PARD3B: variants seen among roughly 807,000 people sequenced by gnomAD.
The protein encoded by PARD3B is par-3 family cell polarity regulator beta, also known as partitioning defective 3 homolog B.
Under a neutral mutation model 130.2 loss-of-function variants are expected in PARD3B, and 103 were observed. The ratio of observed to expected loss-of-function variants is 0.79; its 90% CI spans 0.67 to 0.93. The LOEUF is 0.93. Among genes scored for constraint, PARD3B ranks in the 40% least tolerant of loss-of-function variants. PARD3B has a pLI of 0.00. For synonymous variants in PARD3B, 583 were observed against 553.2 expected, an observed-to-expected ratio of 1.05 and a Z score of -0.76; for missense variants, 1,609 against 1,499.2, an observed-to-expected ratio of 1.07 and a Z score of -1.21.
At chr2:205,016,341 C>T (rs1184503051) in intron 3 of PARD3B, among the ~76,000 whole-genome samples, 1 of 152,118 alleles carries the variant, frequency 6.6e-6, no homozygotes, top group Non-Finnish European at 1.5e-5. Context: ...TCATTTTGTG[C>T]TCTTTTTCCC....
In PARD3B at chr2:205,325,033, C is replaced by A. The variant is rs566759585; in HGVS notation, c.2630+23332C>A. Among the ~76,000 whole-genome samples, 9 of 152,266 alleles carry A rather than the reference C, an allele frequency of 5.9e-5. No individual in the cohort carries two copies. Among genetic ancestry groups the A allele is most frequent in the South Asian group, 4.1e-4 (2 of 4,826 alleles). On this transcript the variant is annotated intron_variant, in intron 18 of 22. Coordinates refer to ENST00000406610, the MANE Select transcript of PARD3B (RefSeq NM_001302769.2). The surrounding 1 kb of genome is among the most constrained non-coding windows in gnomAD (Gnocchi z 4.1). ...ATTCTACTCTCTAAGAATCTAAATT[C>A]TCTCTCCATCTTCACTGCACTTCCT...
At chr2:204,780,003 G>A (rs1030162596) in intron 2 of PARD3B, among the ~76,000 whole-genome samples, 4 of 152,140 alleles carry the variant, frequency 2.6e-5, no homozygotes, top group Non-Finnish European at 5.9e-5. Flanking sequence ...GCTTGATTGT[G>A]ATTGCATGGC....
At chr2:205,130,951 T>C (rs981097941) in intron 10 of PARD3B, among the ~76,000 whole-genome samples, 1 of 152,208 alleles carries the variant, frequency 6.6e-6, no homozygotes, top group Non-Finnish European at 1.5e-5. Flanking sequence ...ACTGTCATGG[T>C]TACCTGTCCC....
At chr2:204,878,103 C>G (rs1260668926) in intron 2 of PARD3B, among the ~76,000 whole-genome samples, 1 of 152,128 alleles carries the variant, frequency 6.6e-6, no homozygotes, top group African/African-American at 2.4e-5. Flanking sequence ...AGGCATCCAT[C>G]AGCAGTTTTG....
At chr2:205,515,324 T>C (rs953763915) in intron 21 of PARD3B, among the ~76,000 whole-genome samples, 3 of 152,202 alleles carry the variant, frequency 2.0e-5, no homozygotes, top group Admixed American at 6.6e-5. Flanking sequence ...TGTGTCTTTA[T>C]GGTAGAATGA....
chr2:204,954,590 G>A (rs1328058576), intron 2 of PARD3B, among the ~76,000 whole-genome samples: 3 of 152,116 alleles, frequency 2.0e-5, no homozygotes, highest in Non-Finnish European at 4.4e-5. Context: ...CAGTCCACTC[G>A]CTACCTTACC....
chr2:205,443,500 G>T (rs1197965352), intron 20 of PARD3B, among the ~76,000 whole-genome samples: 2 of 152,230 alleles, frequency 1.3e-5, no homozygotes. Flanking sequence ...GCATTGTCTT[G>T]TAAATAGAAG....
intron 15 of PARD3B, among the ~76,000 whole-genome samples, chr2:205,208,894 A>T (rs1386376817): frequency 7.2e-6 from 1 of 139,280 alleles, no homozygotes; most frequent in Non-Finnish European, 1.5e-5. Flanking sequence ...GGAACCAAAA[A>T]AGAGCCTGCA....
intron 4 of PARD3B, among the ~76,000 whole-genome samples, chr2:205,100,011 G>A (rs554388062): frequency 6.6e-6 from 1 of 152,218 alleles, no homozygotes; most frequent in East Asian, 1.9e-4. Context: ...TTATGACATT[G>A]TATTTGGCCC....
At chr2:204,709,484 C>T (rs567028138) in intron 2 of PARD3B, among the ~76,000 whole-genome samples, 1 of 152,232 alleles carries the variant, frequency 6.6e-6, no homozygotes, top group African/African-American at 2.4e-5. Context: ...TTTTATTATT[C>T]TACTTTATTA....
intron 21 of PARD3B, among the ~76,000 whole-genome samples, chr2:205,537,247 C>T (rs2051903643): frequency 6.6e-6 from 1 of 152,066 alleles, no homozygotes; most frequent in African/African-American, 2.4e-5. Flanking sequence ...AATGAATAGA[C>T]CCTTAAGTAA....
intron 2 of PARD3B, among the ~76,000 whole-genome samples, chr2:204,790,947 A>G (rs1574991198): frequency 1.3e-5 from 2 of 152,124 alleles, no homozygotes; most frequent in East Asian, 3.9e-4. Flanking sequence ...TCTACTAATA[A>G]TACAAAAATT....
intron 2 of PARD3B, among the ~76,000 whole-genome samples, chr2:204,853,817 A>G (rs1170131679): frequency 1.3e-5 from 2 of 152,226 alleles, no homozygotes; most frequent in African/African-American, 4.8e-5. Context: ...GCACATTTTA[A>G]TAAATAATAC....
At chr2:205,604,337 G>T (rs991210262) in intron 22 of PARD3B, among the ~76,000 whole-genome samples, 4 of 152,184 alleles carry the variant, frequency 2.6e-5, no homozygotes, top group Admixed American at 1.3e-4. Flanking sequence ...GGAGGAGCAA[G>T]TCATGTCTTA....
intron 2 of PARD3B, among the ~76,000 whole-genome samples, chr2:204,744,452 A>G (rs543652326): frequency 1.3e-5 from 2 of 152,198 alleles, no homozygotes; most frequent in Admixed American, 1.3e-4. Flanking sequence ...TTTGGAGCTG[A>G]CAGTTCTTAT....
chr2:204,969,696 G>A (rs562517938), intron 3 of PARD3B, among the ~76,000 whole-genome samples: 10 of 152,122 alleles, frequency 6.6e-5, no homozygotes, highest in Non-Finnish European at 1.5e-4. Flanking sequence ...AAAATTAATT[G>A]TAGATTTCAA....
chr2:205,033,572 T>G, intron 3 of PARD3B, among the ~76,000 whole-genome samples: 1 of 152,288 alleles, frequency 6.6e-6, no homozygotes, highest in East Asian at 1.9e-4. Flanking sequence ...TGTATCAATA[T>G]TCATGCAAGG....
chr2:204,891,805 G>A (rs1267026253), intron 2 of PARD3B, among the ~76,000 whole-genome samples: 6 of 152,098 alleles, frequency 3.9e-5, no homozygotes, highest in Non-Finnish European at 4.4e-5. Flanking sequence ...TCAGTAGTTA[G>A]GAGTATTTTC....
At position 204,890,668 on chromosome 2, in the gene PARD3B, G is replaced by A. The variant is rs1005047132; in HGVS notation, c.223-74484G>A. ...GAGAAAACCAGGACACATGCACAAC[G>A]GTAAGTGTCACAAAGTGACAACTGA... On this transcript the variant is annotated intron_variant, in intron 2 of 22. Coordinates refer to ENST00000406610, the MANE Select transcript of PARD3B (RefSeq NM_001302769.2). The surrounding 1 kb of genome is among the most constrained non-coding windows in gnomAD (Gnocchi z 4.9). 4.6e-5 allele frequency among the ~76,000 whole-genome samples: 7 copies of A among 152,092 alleles called. No homozygotes were observed. Among genetic ancestry groups the A allele is most frequent in the African/African-American group, 1.4e-4 (6 of 41,414 alleles).
Sources: gnomAD v4.1 joint callset for allele counts (sites outside exome capture counted in the v4.1 genomes callset) on GRCh38, gnomAD v4.1.1 for gene constraint, Gnocchi (gnomAD v3.1) non-coding constraint, MANE v1.5 for transcripts, NCBI Gene and HGNC (gene_info 2026-07-23, HGNC 2026-07-21) for gene names.